Variants in CNTN1 observed in about 807,000 individuals in gnomAD.
CNTN1 encodes contactin 1, also known as contactin-1.
Under a neutral mutation model 126.4 loss-of-function variants are expected in CNTN1, and 38 were observed. That is an observed-to-expected ratio of 0.30 (90% CI 0.23 to 0.39). CNTN1 has a LOEUF of 0.39. Among genes scored for constraint, CNTN1 ranks in the 10% least tolerant of loss-of-function variants. The pLI is 1.00. For synonymous variants in CNTN1, 413 were observed against 422.6 expected (o/e 0.98, Z 0.28); for missense variants, 1,009 against 1,248.4 (o/e 0.81, Z 2.89).
chr12:40,876,805 A>G lies in CNTN1; in HGVS notation c.-76-31552A>G, dbSNP rs192394068. On this transcript the variant is annotated intron_variant, in intron 1 of 23. Coordinates refer to ENST00000551295, the MANE Select transcript of CNTN1 (RefSeq NM_001843.4). Reference sequence around the variant, plus strand: ...ACATAATTGTGTATCTGTTGGACAAATACTATTTTCCTTTTTTAACAAAAC... The same window carrying G: ...ACATAATTGTGTATCTGTTGGACAAGTACTATTTTCCTTTTTTAACAAAAC... Among the ~76,000 whole-genome samples the G allele has an allele frequency of 1.5e-3, 225 of 152,228 alleles. 1 individual carries two copies. The highest frequency in any genetic ancestry group is 2.8e-3 in the Non-Finnish European group (190 of 67,994).
In CNTN1 at chr12:40,975,404, T is replaced by A. The variant is rs144073882; in HGVS notation, c.1805-5505T>A. Among the ~76,000 whole-genome samples the A allele has an allele frequency of 2.4e-3, 369 of 151,982 alleles. 1 individual carries two copies. The highest frequency in any genetic ancestry group is 8.6e-3 in the African/African-American group (357 of 41,492). On this transcript the variant is annotated intron_variant, in intron 15 of 23. Transcript: ENST00000551295. ...TGAATGACAGAATGACAGGAGATCATTCAGGCCGTTTCCCCAGTCCTTTAC... is the reference window on the plus strand; with the variant it reads ...TGAATGACAGAATGACAGGAGATCAATCAGGCCGTTTCCCCAGTCCTTTAC...
At chr12:40,716,524 GC>G (rs2121193316) in intron 1 of CNTN1, among the ~76,000 whole-genome samples, 1 of 152,270 alleles carries the variant, frequency 6.6e-6, no homozygotes, top group African/African-American at 2.4e-5. Flanking sequence ...ACTTGATAAA[GC>G]TTTGCCTACA....
chr12:40,834,149 G>A (rs889767125), intron 1 of CNTN1, among the ~76,000 whole-genome samples: 1 of 152,126 alleles, frequency 6.6e-6, no homozygotes, highest in African/African-American at 2.4e-5. Context: ...ACAGAAAACC[G>A]TGCTTTGAAG....
intron 17 of CNTN1, among the ~76,000 whole-genome samples, chr12:41,011,777 C>T (rs1175632438): frequency 6.6e-6 from 1 of 152,166 alleles, no homozygotes; most frequent in Non-Finnish European, 1.5e-5. Context: ...CTATATCCTG[C>T]TATTATGGCC....
intron 1 of CNTN1, among the ~76,000 whole-genome samples, chr12:40,864,918 T>A (rs1305303063): frequency 1.3e-5 from 2 of 151,784 alleles, no homozygotes; most frequent in Non-Finnish European, 2.9e-5. Context: ...ACCACCAAAC[T>A]GTTTTCCAAA....
chr12:40,918,611 A>G (rs1190953707), intron 3 of CNTN1, 28 bp from the exon 4 acceptor site: 11 of 1,607,400 alleles, frequency 6.8e-6, no homozygotes, highest in Admixed American at 1.7e-5. Flanking sequence ...AAGCAGTACA[A>G]TGTAAAACAA....
intron 1 of CNTN1, among the ~76,000 whole-genome samples, chr12:40,867,029 G>C (rs1258413953): frequency 6.6e-6 from 1 of 152,176 alleles, no homozygotes; most frequent in Non-Finnish European, 1.5e-5. Flanking sequence ...CTAACTGCAA[G>C]AGAAGCTGGG....
At chr12:41,010,087 G>A (rs899698596) in intron 17 of CNTN1, among the ~76,000 whole-genome samples, 2 of 152,076 alleles carry the variant, frequency 1.3e-5, no homozygotes, top group Non-Finnish European at 2.9e-5. Flanking sequence ...ACAGAAAGAG[G>A]GGAGGCCTGG....
intron 1 of CNTN1, among the ~76,000 whole-genome samples, chr12:40,887,350 G>A (rs577474541): frequency 2.9e-4 from 44 of 152,172 alleles, no homozygotes; most frequent in Admixed American, 9.2e-4. Flanking sequence ...AAAAGTGGGC[G>A]AAGGATGTGA....
At position 40,922,243 on chromosome 12, in the gene CNTN1, CT is replaced by C. The variant is rs971418233; in HGVS notation, c.228-8del. ...ATGACCTGTGATATGACCTTTGTGT[CT>C]TTTTCTCATAGATGGAGAATGAATA... On this transcript the variant is annotated splice_polypyrimidine_tract_variant and intron_variant, in intron 4 of 23. Transcript: ENST00000551295. 7 of 1,612,892 alleles carry C rather than the reference CT, an allele frequency of 4.3e-6. No individual in the cohort carries two copies. The African/African-American group carries it at 9.3e-5, about 22-fold the overall frequency.
At chr12:41,051,625 A>G (rs2121032187) in intron 23 of CNTN1, among the ~76,000 whole-genome samples, 1 of 152,244 alleles carries the variant, frequency 6.6e-6, no homozygotes, top group South Asian at 2.1e-4. Flanking sequence ...TAAAACACAT[A>G]CAAAAATGTC....
At chr12:40,903,968 A>G (rs1944705997) in intron 1 of CNTN1, among the ~76,000 whole-genome samples, 3 of 152,168 alleles carry the variant, frequency 2.0e-5, no homozygotes, top group South Asian at 4.1e-4. Flanking sequence ...GGAATCCCTA[A>G]CAAGGATCAA....
chr12:41,017,466 G>A (rs1472549743), intron 19 of CNTN1, among the ~76,000 whole-genome samples: 1 of 150,646 alleles, frequency 6.6e-6, no homozygotes, highest in East Asian at 1.9e-4. Context: ...CTAAAAATGT[G>A]TTTAATTGCA....
chr12:40,999,712 T>C (rs1301141402), intron 17 of CNTN1, among the ~76,000 whole-genome samples: 1 of 145,800 alleles, frequency 6.9e-6, no homozygotes, highest in East Asian at 2.0e-4. Flanking sequence ...TTTTTTTTTT[T>C]TTTTTTTTGA....
At chr12:40,799,459 A>G (rs546605827) in intron 1 of CNTN1, among the ~76,000 whole-genome samples, 2 of 152,108 alleles carry the variant, frequency 1.3e-5, no homozygotes, top group African/African-American at 4.8e-5. Flanking sequence ...GTTGGTAAAA[A>G]TTGATATAAA....
intron 1 of CNTN1, among the ~76,000 whole-genome samples, chr12:40,890,716 G>T (rs1944212368): frequency 6.6e-6 from 1 of 151,908 alleles, no homozygotes; most frequent in African/African-American, 2.4e-5. Context: ...AATACTCCAT[G>T]GCCTCGTTGT....
At chr12:41,028,084 T>G in intron 22 of CNTN1, 115 bp downstream of exon 22, 1 of 728,298 alleles carries the variant, frequency 1.4e-6, no homozygotes, top group Non-Finnish European at 2.4e-6. Context: ...CAGACCGGAG[T>G]GCAGTGGTAC....
At chr12:40,780,986 C>T (rs1041779071) in intron 1 of CNTN1, among the ~76,000 whole-genome samples, 7 of 151,436 alleles carry the variant, frequency 4.6e-5, no homozygotes, top group African/African-American at 1.5e-4. Context: ...TTACACTAGA[C>T]AGCAATCACA....
chr12:40,932,796 CT>C (rs1291314646), intron 7 of CNTN1, among the ~76,000 whole-genome samples: 1 of 152,032 alleles, frequency 6.6e-6, no homozygotes, highest in South Asian at 2.1e-4. Flanking sequence ...ATTTATTTGT[CT>C]CTTTAGCATT....
Sources: allele counts gnomAD v4.1 joint callset (sites outside exome capture counted in the v4.1 genomes callset), GRCh38; gene constraint gnomAD v4.1.1; transcripts MANE v1.5; gene names NCBI Gene and HGNC (gene_info 2026-07-23, HGNC 2026-07-21).